Variants in MAGI1 observed in about 807,000 individuals in gnomAD.
MAGI1 encodes membrane-associated guanylate kinase, WW and PDZ domain-containing protein 1.
MAGI1 carries 58 observed loss-of-function variants against 139.9 expected under a neutral mutation model. The ratio of observed to expected loss-of-function variants is 0.41; its 90% CI spans 0.34 to 0.52. The LOEUF (loss-of-function observed/expected upper bound fraction) is 0.52. MAGI1 is among the 20% of genes least tolerant of loss of function. The pLI is 0.12. For synonymous variants in MAGI1, 812 were observed against 737.9 expected (o/e 1.10, Z -1.63); for missense variants, 1,874 against 1,901.6 (o/e 0.99, Z 0.27).
At chr3:65,767,310 T>A (rs905692493) in intron 1 of MAGI1, among the ~76,000 whole-genome samples, 8 of 152,120 alleles carry the variant, frequency 5.3e-5, no homozygotes, top group Non-Finnish European at 1.0e-4. Flanking sequence ...GTTTTTTTTT[T>A]AATAAAGACT....
At chr3:65,631,005 C>G (rs1233829699) in intron 1 of MAGI1, among the ~76,000 whole-genome samples, 1 of 152,184 alleles carries the variant, frequency 6.6e-6, no homozygotes, top group African/African-American at 2.4e-5. Context: ...GTCTAAATAT[C>G]AACGTTTCTT....
intron 2 of MAGI1, among the ~76,000 whole-genome samples, chr3:65,567,816 A>G (rs1006668268): frequency 6.6e-6 from 1 of 152,118 alleles, no homozygotes; most frequent in African/African-American, 2.4e-5. Context: ...AGCCTGGGTG[A>G]CACATGGAGA....
chr3:65,962,471 A>G lies in MAGI1; in HGVS notation c.313+75525T>C, dbSNP rs372993462. Among the ~76,000 whole-genome samples, 19 of 152,292 alleles carry G rather than the reference A, an allele frequency of 1.2e-4. No homozygotes were observed. In the South Asian group the frequency reaches 2.1e-3, roughly 17 times the overall value. On this transcript the variant is annotated intron_variant, in intron 1 of 22. Coordinates refer to ENST00000402939, the MANE Select transcript of MAGI1 (RefSeq NM_001033057.2). ...TAAAGTTCCTCCAGGAACTACACAC[A>G]CAACAAATGTACTTTCCAACTTGCT...
intron 1 of MAGI1, among the ~76,000 whole-genome samples, chr3:65,672,562 T>C (rs916813427): frequency 2.0e-5 from 3 of 152,136 alleles, no homozygotes; most frequent in African/African-American, 7.2e-5. Context: ...ATAGGAACAA[T>C]CTTCATTGAA....
intron 2 of MAGI1, among the ~76,000 whole-genome samples, chr3:65,507,809 G>C (rs1326954078): frequency 6.6e-6 from 1 of 152,094 alleles, no homozygotes; most frequent in Non-Finnish European, 1.5e-5. Context: ...TTATGTTATG[G>C]ACTATATAGT....
At chr3:65,838,885 TTTGG>T in intron 1 of MAGI1, among the ~76,000 whole-genome samples, 1 of 152,380 alleles carries the variant, frequency 6.6e-6, no homozygotes, top group East Asian at 1.9e-4. Context: ...CTCACCAGGA[TTTGG>T]TGTTGCCACT....
chr3:65,566,110 T>C (rs1479291350), intron 2 of MAGI1, among the ~76,000 whole-genome samples: 1 of 150,644 alleles, frequency 6.6e-6, no homozygotes, highest in Non-Finnish European at 1.5e-5. Context: ...GAAAATTAGC[T>C]GGGCATGGTG....
At chr3:65,467,092 C>T (rs764516696) in intron 5 of MAGI1, among the ~76,000 whole-genome samples, 1 of 152,176 alleles carries the variant, frequency 6.6e-6, no homozygotes, top group Admixed American at 6.5e-5. Context: ...AGAAAGGGAA[C>T]TCACCACCTA....
At chr3:65,930,056 C>A (rs1456844377) in intron 1 of MAGI1, among the ~76,000 whole-genome samples, 3 of 152,132 alleles carry the variant, frequency 2.0e-5, no homozygotes, top group Non-Finnish European at 4.4e-5. Flanking sequence ...TTGGCTCACA[C>A]CTGTAATCCC....
intron 1 of MAGI1, chr3:65,872,669 T>C (rs1362148430): frequency 6.6e-6 from 1 of 152,168 alleles, no homozygotes; most frequent in Non-Finnish European, 1.5e-5. Flanking sequence ...GCTACCCAGA[T>C]GCATATGAAT....
chr3:65,483,395 C>T (rs181458259), intron 3 of MAGI1, among the ~76,000 whole-genome samples: 8 of 152,336 alleles, frequency 5.3e-5, no homozygotes, highest in South Asian at 2.1e-4. Context: ...GAAAGTATTC[C>T]ACCTTTGCAA....
chr3:65,596,685 G>A (rs2082218387), intron 2 of MAGI1, among the ~76,000 whole-genome samples: 2 of 152,146 alleles, frequency 1.3e-5, no homozygotes. Flanking sequence ...TTAGGACTTA[G>A]GAAGAGGAAG....
chr3:65,565,119 C>T (rs1035212786), intron 2 of MAGI1, among the ~76,000 whole-genome samples: 2 of 152,146 alleles, frequency 1.3e-5, no homozygotes, highest in African/African-American at 4.8e-5. Flanking sequence ...CACATATATA[C>T]GGGCACAAAC....
At chr3:65,700,355 C>T (rs55957488) in intron 1 of MAGI1, among the ~76,000 whole-genome samples, 65,000 of 151,690 alleles carry the variant, frequency 0.43, 14,612 homozygotes, top group African/African-American at 0.57. Flanking sequence ...GGCAGGAGAA[C>T]TGCTTGAACC....
chr3:65,694,747 G>A (rs1239416445), intron 1 of MAGI1, among the ~76,000 whole-genome samples: 1 of 152,122 alleles, frequency 6.6e-6, no homozygotes, highest in African/African-American at 2.4e-5. Flanking sequence ...TCAAAGCAAG[G>A]TCCTCTAATG....
intron 2 of MAGI1, among the ~76,000 whole-genome samples, chr3:65,608,696 A>C (rs2082876759): frequency 6.6e-6 from 1 of 152,190 alleles, no homozygotes; most frequent in African/African-American, 2.4e-5. Context: ...GTGAGTGCAA[A>C]TTGGTATAAC....
chr3:65,428,683 G>T (rs1947249999), intron 12 of MAGI1, among the ~76,000 whole-genome samples: 1 of 152,128 alleles, frequency 6.6e-6, no homozygotes. Flanking sequence ...ATGGGCCCTG[G>T]CTTTATGGAG....
At chr3:65,881,315 C>A (rs1377448335) in intron 1 of MAGI1, among the ~76,000 whole-genome samples, 1 of 152,040 alleles carries the variant, frequency 6.6e-6, no homozygotes, top group Non-Finnish European at 1.5e-5. Context: ...CTGATCAATG[C>A]ATAAATGATG....
chr3:65,749,845 C>T (rs1439974244), intron 1 of MAGI1, among the ~76,000 whole-genome samples: 1 of 151,970 alleles, frequency 6.6e-6, no homozygotes, highest in Admixed American at 6.6e-5. Flanking sequence ...AAGATATGTT[C>T]TGGAATCCTT....
Sources: allele counts gnomAD v4.1 joint callset (sites outside exome capture counted in the v4.1 genomes callset), GRCh38; gene constraint gnomAD v4.1.1; transcripts MANE v1.5; gene names NCBI Gene and HGNC (gene_info 2026-07-23, HGNC 2026-07-21).